MAD1L1: variants seen among roughly 807,000 people sequenced by gnomAD.
MAD1L1 encodes mitotic arrest deficient 1 like 1.
MAD1L1 carries 95 observed loss-of-function variants against 96.9 expected under a neutral mutation model. The ratio of observed to expected loss-of-function variants is 0.98; its 90% CI spans 0.83 to 1.16. MAD1L1 has a LOEUF of 1.16. Among genes scored for constraint, MAD1L1 ranks in the 50% most tolerant of loss-of-function variants. The pLI, the probability that MAD1L1 is intolerant of heterozygous loss-of-function variation, is 0.00. For synonymous variants in MAD1L1, 473 were observed against 396.6 expected, an observed-to-expected ratio of 1.19 and a Z score of -2.29; for missense variants, 1,007 against 954.4, an observed-to-expected ratio of 1.06 and a Z score of -0.73.
At chr7:1,983,822 A>AT (rs201823452) in intron 14 of MAD1L1, among the ~76,000 whole-genome samples, 1,598 of 152,236 alleles carry the variant, frequency 0.01, 20 homozygotes, top group African/African-American at 0.036. Context: ...CTTTCTATCA[A>AT]TTTTTTATTA....
intron 11 of MAD1L1, among the ~76,000 whole-genome samples, chr7:2,129,376 T>G (rs1047577540): frequency 2.0e-5 from 3 of 152,132 alleles, no homozygotes; most frequent in Non-Finnish European, 4.4e-5. Flanking sequence ...CGCGGGACTG[T>G]GAATGTGGAC....
chr7:1,928,444 C>T (rs1278379374), intron 17 of MAD1L1, among the ~76,000 whole-genome samples: 2 of 151,892 alleles, frequency 1.3e-5, no homozygotes, highest in Non-Finnish European at 2.9e-5. Flanking sequence ...CACGACCCAC[C>T]GGTCCCTAGA....
chr7:2,078,347 G>A (rs1471182428), intron 11 of MAD1L1, among the ~76,000 whole-genome samples: 1 of 152,186 alleles, frequency 6.6e-6, no homozygotes, highest in Non-Finnish European at 1.5e-5. Flanking sequence ...TGGAACTGAG[G>A]CCACCAGGCC....
At chr7:1,871,838 A>G (rs961661647) in intron 18 of MAD1L1, among the ~76,000 whole-genome samples, 1 of 152,166 alleles carries the variant, frequency 6.6e-6, no homozygotes, top group African/African-American at 2.4e-5. Context: ...AGCAGCTCGG[A>G]GCCCCAGAGG....
chr7:2,200,821 C>T (rs1033232921), intron 10 of MAD1L1, among the ~76,000 whole-genome samples: 1 of 152,218 alleles, frequency 6.6e-6, no homozygotes, highest in African/African-American at 2.4e-5. Flanking sequence ...CCTCCCCTCC[C>T]GCCTGTCCAG....
At chr7:1,878,585 T>C (rs1474411399) in intron 18 of MAD1L1, among the ~76,000 whole-genome samples, 1 of 139,094 alleles carries the variant, frequency 7.2e-6, no homozygotes, top group Non-Finnish European at 1.6e-5. Flanking sequence ...AAAAAAAAAC[T>C]GACAAAATTC....
At chr7:2,067,245 G>C (rs528841785) in intron 12 of MAD1L1, among the ~76,000 whole-genome samples, 1 of 149,202 alleles carries the variant, frequency 6.7e-6, no homozygotes, top group East Asian at 2.0e-4. Context: ...GGGGTCATCA[G>C]GCCACGTTCG....
chr7:1,915,587 C>T (rs1343973487), intron 17 of MAD1L1, among the ~76,000 whole-genome samples: 1 of 152,204 alleles, frequency 6.6e-6, no homozygotes, highest in Non-Finnish European at 1.5e-5. Flanking sequence ...AAGGAAGGAC[C>T]GATGGTCGGC....
chr7:1,886,235 C>T (rs1786017271), intron 18 of MAD1L1, among the ~76,000 whole-genome samples: 2 of 152,214 alleles, frequency 1.3e-5, no homozygotes, highest in Non-Finnish European at 2.9e-5. Context: ...GTAAGTACCC[C>T]TCCAAGAGCC....
chr7:2,164,491 C>T (rs775170800), intron 10 of MAD1L1, among the ~76,000 whole-genome samples: 14 of 149,380 alleles, frequency 9.4e-5, no homozygotes, highest in Non-Finnish European at 1.9e-4. Context: ...CGAGCAGGGG[C>T]AGACGGCATG....
At chr7:2,067,220 T>C (rs34571717) in intron 12 of MAD1L1, among the ~76,000 whole-genome samples, 31,827 of 108,366 alleles carry the variant, frequency 0.29, 5,330 homozygotes, top group South Asian at 0.41. Flanking sequence ...CATCAGGCCA[T>C]GTTCGCAGGC....
intron 18 of MAD1L1, among the ~76,000 whole-genome samples, chr7:1,893,231 C>A (rs908412337): frequency 6.6e-6 from 1 of 152,206 alleles, no homozygotes; most frequent in African/African-American, 2.4e-5. Flanking sequence ...TCCACCCACG[C>A]GGCAACAAGA....
intron 11 of MAD1L1, among the ~76,000 whole-genome samples, chr7:2,083,102 C>T (rs555069505): frequency 1.3e-5 from 2 of 152,332 alleles, no homozygotes; most frequent in Non-Finnish European, 1.5e-5. Flanking sequence ...AGCCTCTAAA[C>T]GCTGTCACTC....
At chr7:2,115,823 C>T (rs756304876) in intron 11 of MAD1L1, among the ~76,000 whole-genome samples, 13 of 152,258 alleles carry the variant, frequency 8.5e-5, no homozygotes, top group Non-Finnish European at 1.9e-4. Context: ...GAGGTGCTGC[C>T]ATCAGGAGGG....
At chr7:2,096,015 G>A (rs1426662631) in intron 11 of MAD1L1, among the ~76,000 whole-genome samples, 1 of 152,252 alleles carries the variant, frequency 6.6e-6, no homozygotes, top group Non-Finnish European at 1.5e-5. Context: ...CGTTAGAATC[G>A]GGCTCCCCCA....
At chr7:2,149,303 C>T (rs898084170) in intron 10 of MAD1L1, 65 bp from the exon 11 acceptor site, 1 of 1,370,116 alleles carries the variant, frequency 7.3e-7, no homozygotes, top group East Asian at 2.3e-5. Flanking sequence ...ATTCTGCACA[C>T]AAAACAGAAG....
intron 16 of MAD1L1, among the ~76,000 whole-genome samples, chr7:1,949,037 T>C (rs1779362130): frequency 6.6e-6 from 1 of 152,174 alleles, no homozygotes; most frequent in Non-Finnish European, 1.5e-5. Context: ...GGACGCCATG[T>C]GGGGCTTCCC....
At chr7:1,825,908 C>T (rs1028134486) in intron 18 of MAD1L1, among the ~76,000 whole-genome samples, 4 of 151,748 alleles carry the variant, frequency 2.6e-5, no homozygotes, top group Admixed American at 6.6e-5. Context: ...CCAGGGTTGG[C>T]GGTCGGCACA....
chr7:1,940,651 AGC>A (rs1189173518), intron 16 of MAD1L1: 7 of 152,414 alleles, frequency 4.6e-5, no homozygotes, highest in African/African-American at 1.7e-4. Flanking sequence ...CTAACCACGT[AGC>A]GCTGCAACTG....
Sources: allele counts gnomAD v4.1 joint callset (sites outside exome capture counted in the v4.1 genomes callset), GRCh38; gene constraint gnomAD v4.1.1; transcripts MANE v1.5; gene names NCBI Gene and HGNC (gene_info 2026-07-23, HGNC 2026-07-21).